ZZEF1: variants seen among roughly 807,000 people sequenced by gnomAD.
ZZEF1 encodes zinc finger ZZ-type and EF-hand domain-containing protein 1.
Under a neutral mutation model 342.8 loss-of-function variants are expected in ZZEF1, and 157 were observed. The ratio of observed to expected loss-of-function variants is 0.46; its 90% CI spans 0.40 to 0.52. The LOEUF is 0.52. Among genes scored for constraint, ZZEF1 ranks in the 20% least tolerant of loss-of-function variants. The pLI, the probability that ZZEF1 is intolerant of heterozygous loss-of-function variation, is 0.00. For synonymous variants in ZZEF1, 1,505 were observed against 1,429.1 expected, an observed-to-expected ratio of 1.05 and a Z score of -1.20; for missense variants, 3,480 against 3,725.6, an observed-to-expected ratio of 0.93 and a Z score of 1.72.
chr17:4,098,029 G>C (rs1043973932), intron 9 of ZZEF1, among the ~76,000 whole-genome samples: 4 of 151,684 alleles, frequency 2.6e-5, no homozygotes, highest in African/African-American at 7.3e-5. Context: ...CTTAAGGTCA[G>C]GAGTTCGAGA....
Position 4,077,955 on chromosome 17 carries a change from A to G in ZZEF1, c.2917T>C (p.Ser973Pro). ...CTCTTCAGCTGCAGGTAGCACCAGG[A>G]TAGCAGGCTGCCTTGGACGGACCAG... Reference protein sequence around the residue: ...LFWSVQGSLLSWCYLQLKSTD... With the variant: ...LFWSVQGSLLPWCYLQLKSTD... The change falls in exon 19 of 55, where the codon TCC becomes CCC. Residue 973 changes from serine to proline, a missense_variant. Around this residue, in one of 5 missense-constraint regions of ZZEF1, gnomAD observed 1,528 missense variants for 1,624.1 expected, o/e 0.94. Transcript: ENST00000381638. The G allele has an allele frequency of 6.2e-7, 1 of 1,614,190 alleles. No homozygotes were observed. The highest frequency in any genetic ancestry group is 8.5e-7 in the Non-Finnish European group (1 of 1,180,038).
At chr17:4,074,129 A>G (rs375008373) in intron 24 of ZZEF1, 21 bp downstream of exon 24, 4 of 1,610,002 alleles carry the variant, frequency 2.5e-6, no homozygotes, top group Non-Finnish European at 3.4e-6. Flanking sequence ...AAGAAGGGAA[A>G]GCACAGGGAT....
Position 4,090,835 on chromosome 17 carries a change from A to C in ZZEF1, c.1914-5T>G. On this transcript the variant is annotated splice_region_variant and splice_polypyrimidine_tract_variant and intron_variant, in intron 11 of 54. Coordinates refer to ENST00000381638, the MANE Select transcript of ZZEF1 (RefSeq NM_015113.4). Reference sequence around the variant, plus strand: ...TCATCAGATGAGCAACCAATCCTGTAAAGACAAGAGTATTCACAAAACATT... The same window carrying C: ...TCATCAGATGAGCAACCAATCCTGTCAAGACAAGAGTATTCACAAAACATT... 6.2e-7 allele frequency: 1 copy of C among 1,608,326 alleles called. No individual in the cohort carries two copies. The highest frequency in any genetic ancestry group is 8.5e-7 in the Non-Finnish European group (1 of 1,174,940).
chr17:4,023,311 C>T (rs768744479), intron 43 of ZZEF1, among the ~76,000 whole-genome samples: 78 of 152,144 alleles, frequency 5.1e-4, no homozygotes, highest in Non-Finnish European at 9.7e-4. Flanking sequence ...GTCTCTCTTG[C>T]CGGTCAGACC....
chr17:4,123,309 A>C (rs1373539314), intron 2 of ZZEF1, among the ~76,000 whole-genome samples: 1 of 118,782 alleles, frequency 8.4e-6, no homozygotes, highest in Non-Finnish European at 1.8e-5. Flanking sequence ...ATATATATAT[A>C]TCAGAAAAAT....
chr17:4,060,510 C>T (rs2057261218), intron 30 of ZZEF1, among the ~76,000 whole-genome samples: 1 of 152,078 alleles, frequency 6.6e-6, no homozygotes, highest in African/African-American at 2.4e-5. Context: ...GATCATGCCA[C>T]TGCACTCCAG....
chr17:4,015,818 C>A (rs886541015), intron 49 of ZZEF1, among the ~76,000 whole-genome samples: 2 of 152,250 alleles, frequency 1.3e-5, no homozygotes, highest in Non-Finnish European at 2.9e-5. Context: ...ATAACGGAGG[C>A]TGCCCCATTC....
intron 9 of ZZEF1, among the ~76,000 whole-genome samples, chr17:4,102,055 A>T (rs1306820689): frequency 3.3e-5 from 5 of 152,238 alleles, no homozygotes; most frequent in Non-Finnish European, 7.3e-5. Flanking sequence ...ATTAAAAAAA[A>T]TAGTAACTTT....
At chr17:4,011,745 T>C (rs1390761517) in intron 52 of ZZEF1, among the ~76,000 whole-genome samples, 1 of 152,240 alleles carries the variant, frequency 6.6e-6, no homozygotes, top group Non-Finnish European at 1.5e-5. Context: ...AAAATTATTG[T>C]GTATATTTAA....
intron 1 of ZZEF1, among the ~76,000 whole-genome samples, chr17:4,125,828 A>G (rs951545113): frequency 6.6e-6 from 1 of 152,210 alleles, no homozygotes; most frequent in African/African-American, 2.4e-5. Context: ...CTGATGAGCT[A>G]TAATGGGAAG....
chr17:4,029,646 C>T (rs1280969849), intron 42 of ZZEF1, among the ~76,000 whole-genome samples: 4 of 151,946 alleles, frequency 2.6e-5, no homozygotes, highest in Non-Finnish European at 5.9e-5. Context: ...AAGGCTGAGG[C>T]GGGTGGATCA....
In ZZEF1 at chr17:4,062,901, A is replaced by C; in HGVS notation, c.4735T>G (p.Ser1579Ala). ...LSHRSVVKVL[S>A]LRKAQAQSIL... ...CTCTGGGCCTGGGCTTTCCTCAGGG[A>C]AAGAACCTTCACAACACTGGAGACA... Residue 1579 changes from serine to alanine, a missense_variant, in exon 30 of 55, where the codon TCC (serine) becomes GCC (alanine). Physicochemically the swap from Ser to Ala is moderately conservative, Grantham distance 99. Coordinates refer to ENST00000381638, the MANE Select transcript of ZZEF1 (RefSeq NM_015113.4). 6.2e-7 allele frequency: 1 copy of C among 1,611,720 alleles called. No homozygotes were observed. The highest frequency in any genetic ancestry group is 8.5e-7 in the Non-Finnish European group (1 of 1,179,254).
In ZZEF1 at chr17:4,056,287, C is replaced by T. The variant is rs2057158248; in HGVS notation, c.5224G>A (p.Glu1742Lys). The T allele has an allele frequency of 1.2e-6, 2 of 1,601,876 alleles. No individual in the cohort carries two copies. The highest frequency in any genetic ancestry group is 1.3e-5 in the African/African-American group (1 of 74,930). Residue 1742 changes from glutamate (E) to lysine (K), a missense_variant, in exon 33 of 55, where the codon GAG becomes AAG. Around this residue, in one of 5 missense-constraint regions of ZZEF1, gnomAD observed 175 missense variants for 254.6 expected, o/e 0.69. Transcript: ENST00000381638. ...DAKQNSEWMD[E>K]CQDGMFEAWY... ...GCCTCAAACATGCCATCCTGACACT[C>T]ATCCATCCATTCTGAATTCTGCTTG...
intron 2 of ZZEF1, among the ~76,000 whole-genome samples, chr17:4,123,531 G>A (rs1217355036): frequency 6.6e-6 from 1 of 151,906 alleles, no homozygotes. Context: ...TATAGTACAT[G>A]AGTGAAGACA....
chr17:4,031,669 C>CTTG (rs2056551450), intron 42 of ZZEF1, among the ~76,000 whole-genome samples: 1 of 152,174 alleles, frequency 6.6e-6, no homozygotes, highest in South Asian at 2.1e-4. Flanking sequence ...TTGCCTGGGC[C>CTTG]TTGGCAAACT....
At chr17:4,043,840 TC>T (rs2056853331) in intron 38 of ZZEF1, among the ~76,000 whole-genome samples, 1 of 152,194 alleles carries the variant, frequency 6.6e-6, no homozygotes, top group Non-Finnish European at 1.5e-5. Flanking sequence ...CCAATCACTG[TC>T]AACACCCACT....
At chr17:4,121,338 T>C (rs2058479501) in intron 2 of ZZEF1, among the ~76,000 whole-genome samples, 1 of 152,156 alleles carries the variant, frequency 6.6e-6, no homozygotes, top group African/African-American at 2.4e-5. Context: ...CTAAAGATAA[T>C]TCAGGCCGGG....
chr17:4,132,514 C>G (rs982372307), intron 1 of ZZEF1, among the ~76,000 whole-genome samples: 1 of 151,962 alleles, frequency 6.6e-6, no homozygotes, highest in Non-Finnish European at 1.5e-5. Flanking sequence ...CTGGCTAACA[C>G]GGTGAAACCC....
At chr17:4,115,078 G>A (rs1209578668) in intron 3 of ZZEF1, among the ~76,000 whole-genome samples, 1 of 152,100 alleles carries the variant, frequency 6.6e-6, no homozygotes, top group African/African-American at 2.4e-5. Context: ...CTGGAGTGCA[G>A]TGGTGTGATC....
Sources: allele counts gnomAD v4.1 joint callset (sites outside exome capture counted in the v4.1 genomes callset), GRCh38; gene constraint gnomAD v4.1.1; regional missense constraint gnomAD v4.1.1; transcripts MANE v1.5; gene names NCBI Gene and HGNC (gene_info 2026-07-23, HGNC 2026-07-21).